Variants in TBC1D32 observed in about 807,000 individuals in gnomAD.
TBC1D32 encodes the protein TBC1 domain family member 32.
A neutral mutation model predicts 170.3 loss-of-function variants in TBC1D32; 151 were observed. The ratio of observed to expected loss-of-function variants is 0.89; its 90% CI spans 0.78 to 1.01. The LOEUF is 1.01. TBC1D32 is among the 50% of genes least tolerant of loss of function. TBC1D32 has a pLI of 0.00. For missense variants in TBC1D32, 1,464 were observed against 1,457.1 expected (o/e 1.00, Z -0.08); for synonymous variants, 498 against 488.0 (o/e 1.02, Z -0.27).
At chr6:121,180,194 T>C (rs1788325874) in intron 22 of TBC1D32, among the ~76,000 whole-genome samples, 3 of 152,114 alleles carry the variant, frequency 2.0e-5, no homozygotes, top group Admixed American at 2.0e-4. Context: ...AATACAATGA[T>C]AATTAAAATC....
intron 3 of TBC1D32, 64 bp from the exon 4 acceptor site, chr6:121,310,911 ATT>A: frequency 2.2e-6 from 2 of 889,578 alleles, no homozygotes; most frequent in Non-Finnish European, 3.7e-6. Context: ...GCTATAAGTT[ATT>A]TTTTCAATAT....
intron 15 of TBC1D32, among the ~76,000 whole-genome samples, chr6:121,263,496 C>T (rs1039887957): frequency 1.3e-5 from 2 of 152,112 alleles, no homozygotes; most frequent in African/African-American, 4.8e-5. Flanking sequence ...TAGTGGGAGA[C>T]TTTAATACCC....
At chr6:121,198,734 G>A (rs542741608) in intron 22 of TBC1D32, among the ~76,000 whole-genome samples, 1 of 151,242 alleles carries the variant, frequency 6.6e-6, no homozygotes, top group African/African-American at 2.5e-5. Context: ...CTGGGCGACA[G>A]AGCGAGACTC....
At chr6:121,287,954 T>C (rs983401407) in intron 12 of TBC1D32, among the ~76,000 whole-genome samples, 18 of 152,124 alleles carry the variant, frequency 1.2e-4, no homozygotes, top group Admixed American at 1.0e-3. Context: ...TTGAAACCAA[T>C]GAGAACAAAG....
chr6:121,311,366 G>A (rs1169971083), intron 3 of TBC1D32, among the ~76,000 whole-genome samples: 1 of 152,120 alleles, frequency 6.6e-6, no homozygotes, highest in Non-Finnish European at 1.5e-5. Context: ...TTTGGAGAAA[G>A]AAAGGGTCTT....
chr6:121,297,962 T>A (rs982501225), intron 10 of TBC1D32, among the ~76,000 whole-genome samples: 1 of 151,994 alleles, frequency 6.6e-6, no homozygotes, highest in Non-Finnish European at 1.5e-5. Context: ...CTGCTATGAG[T>A]AAAGTTCTTA....
chr6:121,270,665 C>G (rs1801263482), intron 15 of TBC1D32, among the ~76,000 whole-genome samples: 1 of 152,082 alleles, frequency 6.6e-6, no homozygotes, highest in South Asian at 2.1e-4. Context: ...GATTCACAGC[C>G]AAAATCTACC....
intron 31 of TBC1D32, among the ~76,000 whole-genome samples, chr6:121,084,017 C>T (rs1775931348): frequency 6.6e-6 from 1 of 152,006 alleles, no homozygotes; most frequent in African/African-American, 2.4e-5. Context: ...CTTGCACTTG[C>T]CTTCATTCCT....
intron 15 of TBC1D32, among the ~76,000 whole-genome samples, chr6:121,266,042 G>A (rs927255679): frequency 6.6e-6 from 1 of 152,154 alleles, no homozygotes; most frequent in East Asian, 1.9e-4. Flanking sequence ...ATCGCAAAAA[G>A]CAATTGCAAC....
intron 17 of TBC1D32, among the ~76,000 whole-genome samples, chr6:121,243,104 T>A (rs1200706475): frequency 6.6e-6 from 1 of 151,820 alleles, no homozygotes; most frequent in African/African-American, 2.4e-5. Flanking sequence ...ATAGGTATAA[T>A]GAAAATTTTA....
intron 17 of TBC1D32, among the ~76,000 whole-genome samples, chr6:121,254,481 C>T (rs754520232): frequency 1.3e-5 from 2 of 152,034 alleles, no homozygotes; most frequent in Non-Finnish European, 2.9e-5. Context: ...TATAGAAATG[C>T]ATTTTTGTCA....
chr6:121,168,862 A>G (rs1252406088), intron 22 of TBC1D32, among the ~76,000 whole-genome samples: 2 of 152,046 alleles, frequency 1.3e-5, no homozygotes, highest in Non-Finnish European at 2.9e-5. Flanking sequence ...AGCTAACAAG[A>G]GAAGTGAAGG....
At chr6:121,277,878 GAA>G (rs904565622) in intron 15 of TBC1D32, among the ~76,000 whole-genome samples, 2 of 136,644 alleles carry the variant, frequency 1.5e-5, no homozygotes, top group Non-Finnish European at 3.2e-5. Flanking sequence ...GGTTAACTAA[GAA>G]AAAAAAAAAG....
intron 22 of TBC1D32, among the ~76,000 whole-genome samples, chr6:121,168,263 G>GT (rs1292135604): frequency 1.5e-5 from 2 of 133,328 alleles, no homozygotes; most frequent in African/African-American, 5.9e-5. Context: ...ACATGCACAC[G>GT]TATGTTTATT....
chr6:121,237,912 T>C (rs1021894870), intron 20 of TBC1D32, among the ~76,000 whole-genome samples: 1 of 152,128 alleles, frequency 6.6e-6, no homozygotes, highest in African/African-American at 2.4e-5. Context: ...ATCCCATACA[T>C]TGTGAGATAC....
intron 20 of TBC1D32, among the ~76,000 whole-genome samples, chr6:121,224,989 C>G (rs1040796899): frequency 1.3e-5 from 2 of 151,826 alleles, no homozygotes; most frequent in Non-Finnish European, 2.9e-5. Flanking sequence ...TAAAAAATAA[C>G]TGATACAATA....
At chr6:121,298,011 G>A (rs6569194) in intron 10 of TBC1D32, among the ~76,000 whole-genome samples, 17,646 of 152,034 alleles carry the variant, frequency 0.12, 1,471 homozygotes, top group Admixed American at 0.23. Context: ...CAAATGGATG[G>A]AGTGGTCTGC....
At chr6:121,126,817 A>G (rs904537632) in intron 25 of TBC1D32, among the ~76,000 whole-genome samples, 1 of 152,136 alleles carries the variant, frequency 6.6e-6, no homozygotes, top group Non-Finnish European at 1.5e-5. Context: ...ACAAAAAAAA[A>G]GTATTAGTGG....
chr6:121,307,359 G>C (rs1474822079), intron 5 of TBC1D32, among the ~76,000 whole-genome samples: 1 of 152,100 alleles, frequency 6.6e-6, no homozygotes, highest in Non-Finnish European at 1.5e-5. Context: ...CTGAGTGACA[G>C]AGCAAGACCC....
Sources: gnomAD v4.1 joint callset for allele counts (sites outside exome capture counted in the v4.1 genomes callset) on GRCh38, gnomAD v4.1.1 for gene constraint, MANE v1.5 for transcripts, NCBI Gene and HGNC (gene_info 2026-07-23, HGNC 2026-07-21) for gene names.